The following NUDT4 variants were observed in gnomAD, a reference collection of about 807,000 sequenced individuals.
NUDT4 encodes the protein nudix hydrolase 4.
In NUDT4, 5 loss-of-function variants were observed where a neutral mutation model predicts 23.1. That is an observed-to-expected ratio of 0.22 (90% CI 0.11 to 0.46). The LOEUF (loss-of-function observed/expected upper bound fraction) is 0.46, where lower values mean the gene tolerates loss of function less well. Among genes scored for constraint, NUDT4 ranks in the 20% least tolerant of loss-of-function variants. The probability of loss-of-function intolerance (pLI) is 0.99; values close to 1 mark genes in which losing one functional copy is unlikely to be tolerated. For synonymous variants in NUDT4, 50 were observed against 79.0 expected, an observed-to-expected ratio of 0.63 and a Z score of 1.95; for missense variants, 96 against 211.6, an observed-to-expected ratio of 0.45 and a Z score of 3.39.
rs1877373379 is a variant in NUDT4, at chr12:93,401,036, AAT to A, written c.*1659_*1660del. 6.6e-6 allele frequency: 1 copy of A among 152,064 alleles called. No homozygotes were observed. The highest frequency in any genetic ancestry group is 2.4e-5 in the African/African-American group (1 of 41,474). 9.4% of individuals were successfully genotyped at this position (152,064 alleles called of 1,614,324 possible). A position where few individuals can be genotyped will look rare whatever the true frequency, so the allele number is the denominator to read the frequency against. ...CTTTAAAAATATAATTACTGCTAAA[AAT>A]AGAGTGCTGTTACACTTAAGGAAAA... On this transcript the variant is annotated 3_prime_UTR_variant, in exon 5 of 5. Transcript: ENST00000415493.
chr12:93,399,125 GCTTA>G (rs1877160280), intron 4 of NUDT4, 48 bp from the exon 5 acceptor site: 1 of 1,354,152 alleles, frequency 7.4e-7, no homozygotes, highest in Admixed American at 1.7e-5. Context: ...TACTTATATG[GCTTA>G]CTTTTTAAAA....
At chr12:93,382,429 G>A (rs1001201046) in intron 1 of NUDT4, among the ~76,000 whole-genome samples, 1 of 152,238 alleles carries the variant, frequency 6.6e-6, no homozygotes, top group Non-Finnish European at 1.5e-5. Context: ...AAATCATGCA[G>A]TAAAGCTTTG....
In NUDT4 at chr12:93,377,934, G is replaced by A. The variant is rs908289821; in HGVS notation, c.-389G>A. On this transcript the variant is annotated 5_prime_UTR_variant, in exon 1 of 5. Transcript: ENST00000415493. ...AGAGGGGGCGGCGCGCGGTCGCCGC[G>A]GTGCTGCTGCTCAGTGGGAGCGGGT... 9.5e-5 allele frequency: 30 copies of A among 315,476 alleles called. No individual in the cohort carries two copies. Among genetic ancestry groups the A allele is most frequent in the South Asian group, 7.2e-4 (28 of 38,764 alleles). 19.5% of individuals were successfully genotyped at this position (315,476 alleles called of 1,614,324 possible). A position where few individuals can be genotyped will look rare whatever the true frequency, so the allele number is the denominator to read the frequency against.
chr12:93,383,810 C>T (rs537440287), intron 1 of NUDT4, among the ~76,000 whole-genome samples: 1 of 152,206 alleles, frequency 6.6e-6, no homozygotes, highest in South Asian at 2.1e-4. Flanking sequence ...CCAGCCTGGG[C>T]GACAGAGCGA....
rs1361176558 is a variant in NUDT4 at position 93,406,320 on chromosome 12, T to C, written c.*6941T>C. 8.0e-6 allele frequency: 1 copy of C among 125,622 alleles called. No individual in the cohort carries two copies. The highest frequency in any genetic ancestry group is 1.7e-5 in the Non-Finnish European group (1 of 59,200). 7.8% of individuals were successfully genotyped at this position (125,622 alleles called of 1,614,324 possible). A position where few individuals can be genotyped will look rare whatever the true frequency, so the allele number is the denominator to read the frequency against. On this transcript the variant is annotated 3_prime_UTR_variant, in exon 5 of 5. Transcript: ENST00000415493. ...AAAAAAAAAAAGGTTCCTGAACCAT[T>C]CAACAGAAAAATGAGGCCTATTCCT...
chr12:93,382,349 A>G (rs1175867208), intron 1 of NUDT4, among the ~76,000 whole-genome samples: 1 of 151,934 alleles, frequency 6.6e-6, no homozygotes, highest in Non-Finnish European at 1.5e-5. Context: ...TCTATGAGCC[A>G]GGGGCTGTCT....
rs1439821814 is a variant in NUDT4, at chr12:93,402,679, ATG to A, written c.*3303_*3304del. ...AATGTTGCCAGTCTAATAGTATAGT[ATG>A]TGGTTGCTTTACTGCTGTTCTCCCC... On this transcript the variant is annotated 3_prime_UTR_variant, in exon 5 of 5. Transcript: ENST00000415493. The A allele has an allele frequency of 6.6e-6, 1 of 152,158 alleles. No individual in the cohort carries two copies. Among genetic ancestry groups the A allele is most frequent in the African/African-American group, 2.4e-5 (1 of 41,416 alleles). 9.4% of individuals were successfully genotyped at this position (152,158 alleles called of 1,614,324 possible).
At chr12:93,395,316 G>A (rs760018309) in intron 2 of NUDT4, among the ~76,000 whole-genome samples, 173 bp from the exon 3 acceptor site, 2 of 152,160 alleles carry the variant, frequency 1.3e-5, no homozygotes, top group African/African-American at 4.8e-5. Context: ...AGTCCTTGCC[G>A]CTGATGAAGT....
intron 3 of NUDT4, among the ~76,000 whole-genome samples, chr12:93,398,389 T>C (rs1007914621): frequency 7.0e-6 from 1 of 143,856 alleles, no homozygotes; most frequent in African/African-American, 2.6e-5. Flanking sequence ...TAGAAATAAG[T>C]GTTTAAAGTT....
intron 3 of NUDT4, 83 bp from the exon 4 acceptor site, chr12:93,398,688 C>T (rs1877121500): frequency 1.2e-6 from 1 of 860,246 alleles, no homozygotes. Context: ...CAGCAGTATG[C>T]CAGACTAATT....
rs1321708380 is a variant in NUDT4 at position 93,404,910 on chromosome 12, T to TTG, written c.*5532_*5533insGT. 6.6e-6 allele frequency: 1 copy of TTG among 150,714 alleles called. No homozygotes were observed. Among genetic ancestry groups the TTG allele is most frequent in the African/African-American group, 2.5e-5 (1 of 40,378 alleles). The allele number at this position is 150,714 out of a possible 1,614,324, so 9.3% of individuals were successfully genotyped here. ...TAAAATTTTTTTAATGTTTTAGGTTTTTTTTTTTTTAAAAAAAATACTATG... is the reference window on the plus strand; with the variant it reads ...TAAAATTTTTTTAATGTTTTAGGTTTTGTTTTTTTTTTAAAAAAAATACTATG... On this transcript the variant is annotated 3_prime_UTR_variant, in exon 5 of 5. Transcript: ENST00000415493.
At chr12:93,386,376 A>G (rs1876097285) in intron 1 of NUDT4, among the ~76,000 whole-genome samples, 1 of 152,102 alleles carries the variant, frequency 6.6e-6, no homozygotes, top group East Asian at 1.9e-4. Flanking sequence ...CAGGAGTTCA[A>G]AACCAGCCTG....
chr12:93,382,005 C>G (rs2120856309), intron 1 of NUDT4, among the ~76,000 whole-genome samples: 1 of 152,258 alleles, frequency 6.6e-6, no homozygotes, highest in Non-Finnish European at 1.5e-5. Flanking sequence ...GCCTGTCATC[C>G]CAGCACTTTG....
intron 1 of NUDT4, among the ~76,000 whole-genome samples, chr12:93,391,291 A>G (rs538214767): frequency 1.3e-5 from 2 of 152,116 alleles, no homozygotes; most frequent in African/African-American, 4.8e-5. Flanking sequence ...CAGACTGGGC[A>G]TGGTGGCTTA....
chr12:93,379,761 A>G (rs1179200012), intron 1 of NUDT4, among the ~76,000 whole-genome samples: 1 of 152,228 alleles, frequency 6.6e-6, no homozygotes, highest in Non-Finnish European at 1.5e-5. Flanking sequence ...CTTTTACAAA[A>G]TGAACAAGTC....
chr12:93,392,219 C>T (rs1162794167), intron 1 of NUDT4, among the ~76,000 whole-genome samples: 1 of 147,324 alleles, frequency 6.8e-6, no homozygotes, highest in African/African-American at 2.5e-5. Context: ...TCAACCTAAG[C>T]TAGCCCACAA....
chr12:93,391,969 C>T (rs1876542144), intron 1 of NUDT4, among the ~76,000 whole-genome samples: 1 of 151,996 alleles, frequency 6.6e-6, no homozygotes, highest in Non-Finnish European at 1.5e-5. Flanking sequence ...CTGCAACCTT[C>T]GCTTCCTGAA....
At position 93,405,352 on chromosome 12, in the gene NUDT4, A is replaced by G. The variant is rs1249159190; in HGVS notation, c.*5973A>G. 1.3e-5 allele frequency: 2 copies of G among 152,238 alleles called. No homozygotes were observed. The highest frequency in any genetic ancestry group is 2.9e-5 in the Non-Finnish European group (2 of 68,046). 9.4% of individuals were successfully genotyped at this position (152,238 alleles called of 1,614,324 possible). Reference sequence around the variant, plus strand: ...TTAAAAATAAAACTGAGAAAGAAAAATCATGTGATCAATTCAGTAGTAGAG... The same window carrying G: ...TTAAAAATAAAACTGAGAAAGAAAAGTCATGTGATCAATTCAGTAGTAGAG... On this transcript the variant is annotated 3_prime_UTR_variant, in exon 5 of 5. Coordinates refer to ENST00000415493, the MANE Select transcript of NUDT4 (RefSeq NM_019094.6).
Position 93,400,964 on chromosome 12 carries a change from T to C in NUDT4, c.*1585T>C, listed in dbSNP as rs1201299886. The C allele has an allele frequency of 6.6e-6, 1 of 152,228 alleles. No individual in the cohort carries two copies. The highest frequency in any genetic ancestry group is 2.4e-5 in the African/African-American group (1 of 41,472). The allele number at this position is 152,228 out of a possible 1,614,324, so 9.4% of individuals were successfully genotyped here. A position where few individuals can be genotyped will look rare whatever the true frequency, so the allele number is the denominator to read the frequency against. On this transcript the variant is annotated 3_prime_UTR_variant, in exon 5 of 5. Coordinates refer to ENST00000415493, the MANE Select transcript of NUDT4 (RefSeq NM_019094.6). ...TTGTAAATATTGTAACTGGGGAGTA[T>C]AGAGTAGAAAAAAAGTATAGTTAAA...
Sources: gnomAD v4.1 joint callset for allele counts (sites outside exome capture counted in the v4.1 genomes callset) on GRCh38, gnomAD v4.1.1 for gene constraint, MANE v1.5 for transcripts, NCBI Gene and HGNC (gene_info 2026-07-23, HGNC 2026-07-21) for gene names.